TP63: variants seen among roughly 807,000 people sequenced by gnomAD.
TP63 encodes tumor protein p63.
Under a neutral mutation model 82.8 loss-of-function variants are expected in TP63, and 17 were observed. The ratio of observed to expected loss-of-function variants is 0.21; its 90% CI spans 0.14 to 0.31. TP63 has a LOEUF of 0.31. Among genes scored for constraint, TP63 ranks in the 10% least tolerant of loss-of-function variants. The probability of loss-of-function intolerance (pLI) is 1.00; values close to 1 mark genes in which losing one functional copy is unlikely to be tolerated. For synonymous variants in TP63, 330 were observed against 321.7 expected, an observed-to-expected ratio of 1.03 and a Z score of -0.28; for missense variants, 648 against 895.3, an observed-to-expected ratio of 0.72 and a Z score of 3.52.
chr3:189,884,704 G>C (rs1222048361), intron 10 of TP63, among the ~76,000 whole-genome samples: 1 of 152,148 alleles, frequency 6.6e-6, no homozygotes, highest in Non-Finnish European at 1.5e-5. Context: ...TATTTGATAA[G>C]GGCTAAAGAG....
chr3:189,791,037 T>TAG (rs1288902753), intron 3 of TP63, among the ~76,000 whole-genome samples: 1 of 152,160 alleles, frequency 6.6e-6, no homozygotes, highest in Non-Finnish European at 1.5e-5. Context: ...TTGTCCTCAG[T>TAG]AGAGAAACTT....
At chr3:189,872,827 G>A (rs1428096678) in intron 9 of TP63, 32 bp from the exon 10 acceptor site, 1 of 1,613,998 alleles carries the variant, frequency 6.2e-7, no homozygotes, top group Admixed American at 1.7e-5. Flanking sequence ...AGCTTTTCAT[G>A]TTTCCTTCTT....
chr3:189,731,299 G>A lies in TP63; in HGVS notation c.63-6441G>A, dbSNP rs115052775. Among the ~76,000 whole-genome samples the A allele has an allele frequency of 5.9e-3, 893 of 152,088 alleles. 4 individuals are homozygous for A. Among genetic ancestry groups the A allele is most frequent in the Non-Finnish European group, 9.3e-3 (633 of 68,004 alleles). ...GCAGAGGTTGCAGTGAACCAAGATG[G>A]TGCCACAAGACTCCAGGCTGAGCAA... On this transcript the variant is annotated intron_variant, in intron 1 of 13. Coordinates refer to ENST00000264731, the MANE Select transcript of TP63 (RefSeq NM_003722.5).
chr3:189,789,674 A>G, intron 3 of TP63: 1 of 1,457,916 alleles, frequency 6.9e-7, no homozygotes, highest in Non-Finnish European at 9.0e-7. Context: ...AGAGAAAGAG[A>G]GAGAGGGACT....
At chr3:189,880,759 A>C in intron 10 of TP63, 31 of 985,434 alleles carry the variant, frequency 3.1e-5, no homozygotes, top group Non-Finnish European at 3.7e-5. Flanking sequence ...TCATTACCAA[A>C]AGTAATCAAC....
chr3:189,664,199 T>C (rs1049951008), intron 1 of TP63, among the ~76,000 whole-genome samples: 4 of 152,048 alleles, frequency 2.6e-5, no homozygotes, highest in African/African-American at 9.7e-5. Flanking sequence ...TTGGTAAAAA[T>C]AGGCACTTGG....
At chr3:189,621,452 A>G in the TP63 span, among the ~76,000 whole-genome samples, 3 of 152,084 alleles carry the variant, frequency 2.0e-5, no homozygotes, top group Middle Eastern at 3.2e-3. Flanking sequence ...ACATATATAT[A>G]CACACATACA....
chr3:189,677,334 A>ATATATATAAATATATATAAATAAT (rs1190656964), intron 1 of TP63, among the ~76,000 whole-genome samples: 5 of 141,730 alleles, frequency 3.5e-5, no homozygotes, highest in Middle Eastern at 3.6e-3. Flanking sequence ...ACACATATTT[A>ATATATATAAATATATATAAATAAT]TATATATAAA....
chr3:189,650,396 C>T lies in TP63; in HGVS notation c.62+18819C>T, dbSNP rs373651575. Among the ~76,000 whole-genome samples the T allele has an allele frequency of 1.1e-4, 16 of 146,914 alleles. 1 individual carries two copies. The highest frequency in any genetic ancestry group is 9.0e-4 in the South Asian group (4 of 4,446). On this transcript the variant is annotated intron_variant, in intron 1 of 13. Transcript: ENST00000264731. Reference sequence around the variant, plus strand: ...AGTGATATGGTTTGGCTGTGTCCCCCGCCCCAAATCTCATCTTGAATTGTA... The same window carrying T: ...AGTGATATGGTTTGGCTGTGTCCCCTGCCCCAAATCTCATCTTGAATTGTA...
intron 4 of TP63, among the ~76,000 whole-genome samples, chr3:189,846,504 C>T (rs1714884614): frequency 6.6e-6 from 1 of 151,826 alleles, no homozygotes. Flanking sequence ...CTGGTGCTTC[C>T]TGGGAATGAA....
At chr3:189,774,194 T>A (rs1723601871) in intron 3 of TP63, among the ~76,000 whole-genome samples, 1 of 152,118 alleles carries the variant, frequency 6.6e-6, no homozygotes, top group South Asian at 2.1e-4. Flanking sequence ...AGTGCTGGGA[T>A]TACAGGCGTG....
intron 4 of TP63, among the ~76,000 whole-genome samples, chr3:189,824,194 G>C (rs367925613): frequency 6.6e-6 from 1 of 151,664 alleles, no homozygotes; most frequent in Non-Finnish European, 1.5e-5. Flanking sequence ...TTGTAGGACT[G>C]TTTTATTTAT....
intron 13 of TP63, among the ~76,000 whole-genome samples, chr3:189,893,893 G>C (rs1196057663): frequency 1.3e-5 from 2 of 152,042 alleles, no homozygotes; most frequent in East Asian, 3.9e-4. Context: ...GCATAAGTAG[G>C]TACCTCATGT....
intron 1 of TP63, among the ~76,000 whole-genome samples, chr3:189,685,062 A>T (rs755683789): frequency 9.2e-5 from 14 of 152,242 alleles, no homozygotes; most frequent in Non-Finnish European, 1.8e-4. Flanking sequence ...GACAAACCAT[A>T]AATGAGAATA....
At chr3:189,852,411 T>C (rs1176234832) in intron 4 of TP63, among the ~76,000 whole-genome samples, 2 of 152,246 alleles carry the variant, frequency 1.3e-5, no homozygotes, top group Non-Finnish European at 2.9e-5. Context: ...TCTGCTTTGA[T>C]TTTAGAAAAC....
At chr3:189,745,708 CAAAAAAAAAAAAAA>C (rs71298529) in intron 3 of TP63, among the ~76,000 whole-genome samples, 2 of 17,790 alleles carry the variant, frequency 1.1e-4, no homozygotes, top group Admixed American at 1.1e-3. Flanking sequence ...AACTCCATCT[CAAAAAAAAAAAAAA>C]AAAAAAAAAG....
intron 3 of TP63, among the ~76,000 whole-genome samples, chr3:189,760,730 T>TG (rs947513542): frequency 3.7e-4 from 57 of 152,266 alleles, no homozygotes; most frequent in African/African-American, 1.3e-3. Flanking sequence ...GGACTCTGTG[T>TG]GGGGGCTCCC....
chr3:189,721,280 A>G lies in TP63; in HGVS notation c.63-16460A>G, dbSNP rs577299509. Among the ~76,000 whole-genome samples the G allele has an allele frequency of 8.5e-5, 13 of 152,322 alleles. No homozygotes were observed. The South Asian group carries it at 2.5e-3, about 29-fold the overall frequency. On this transcript the variant is annotated intron_variant, in intron 1 of 13. Transcript: ENST00000264731. ...TACTTGTGTAACAGAGAGAGGAACA[A>G]TAGGTTGTGGGCCTTCCAATAATAG...
intron 4 of TP63, among the ~76,000 whole-genome samples, chr3:189,838,782 AC>A (rs1296064156): frequency 6.6e-6 from 1 of 152,112 alleles, no homozygotes; most frequent in Non-Finnish European, 1.5e-5. Flanking sequence ...ATTAAGTTAC[AC>A]CTTTCCTTTT....
Sources: gnomAD v4.1 joint callset for allele counts (sites outside exome capture counted in the v4.1 genomes callset) on GRCh38, gnomAD v4.1.1 for gene constraint, MANE v1.5 for transcripts, NCBI Gene and HGNC (gene_info 2026-07-23, HGNC 2026-07-21) for gene names.